ST6GALNAC3: variants seen among roughly 807,000 people sequenced by gnomAD.
ST6GALNAC3 encodes alpha-N-acetylgalactosaminide alpha-2,6-sialyltransferase 3.
A neutral mutation model predicts 32.7 loss-of-function variants in ST6GALNAC3; 25 were observed. The observed-to-expected ratio is 0.76, with a 90% CI of 0.56 to 1.07. ST6GALNAC3 has a LOEUF of 1.07. Among genes scored for constraint, ST6GALNAC3 ranks in the 50% least tolerant of loss-of-function variants. The pLI, the probability that ST6GALNAC3 is intolerant of heterozygous loss-of-function variation, is 0.00. For synonymous variants in ST6GALNAC3, 129 were observed against 133.1 expected (o/e 0.97, Z 0.21); for missense variants, 355 against 382.4 (o/e 0.93, Z 0.60).
chr1:76,314,002 A>T lies in ST6GALNAC3; in HGVS notation c.213+3A>T, dbSNP rs1646820190. The T allele has an allele frequency of 2.5e-6, 4 of 1,610,662 alleles. No individual in the cohort carries two copies. Among genetic ancestry groups the T allele is most frequent in the Non-Finnish European group, 3.4e-6 (4 of 1,178,278 alleles). ...ACATAAATGTGAAGACACAAGAGGT[A>T]AGATCCCAGAGGGTTACCTAGCAGT... On this transcript the variant is annotated splice_donor_region_variant and intron_variant, in intron 2 of 4. Coordinates refer to ENST00000328299, the MANE Select transcript of ST6GALNAC3 (RefSeq NM_152996.4).
chr1:76,592,777 C>A (rs1442043280), intron 3 of ST6GALNAC3, among the ~76,000 whole-genome samples: 3 of 152,100 alleles, frequency 2.0e-5, no homozygotes, highest in Non-Finnish European at 4.4e-5. Flanking sequence ...AGGTATTGAC[C>A]TTTTCAGGAC....
intron 3 of ST6GALNAC3, among the ~76,000 whole-genome samples, chr1:76,527,834 G>T (rs961059485): frequency 6.6e-6 from 1 of 152,196 alleles, no homozygotes; most frequent in African/African-American, 2.4e-5. Flanking sequence ...AAAAGGCCTT[G>T]ATTGTCCCAC....
chr1:76,436,084 A>C (rs1391977534), intron 3 of ST6GALNAC3, among the ~76,000 whole-genome samples: 2 of 152,100 alleles, frequency 1.3e-5, no homozygotes, highest in African/African-American at 4.8e-5. Context: ...AGTAAAAGCC[A>C]AAATCACTTT....
Position 76,095,864 on chromosome 1 carries a change from A to G in ST6GALNAC3, c.18+20980A>G, listed in dbSNP as rs547835694. Among the ~76,000 whole-genome samples the G allele has an allele frequency of 2.6e-5, 4 of 152,260 alleles. No individual in the cohort carries two copies. The South Asian group carries it at 6.2e-4, about 24-fold the overall frequency. ...TCCCCTCAGGGCTGAATGAAATTGA[A>G]TGTCTTGTAAACGTGTGCAGCCTTT... On this transcript the variant is annotated intron_variant, in intron 1 of 4. Coordinates refer to ENST00000328299, the MANE Select transcript of ST6GALNAC3 (RefSeq NM_152996.4).
intron 3 of ST6GALNAC3, among the ~76,000 whole-genome samples, chr1:76,605,700 A>G (rs1405105643): frequency 2.0e-5 from 3 of 151,804 alleles, no homozygotes; most frequent in African/African-American, 7.3e-5. Context: ...CCCCGTTACT[A>G]CTAAAAATAC....
At chr1:76,440,380 C>A (rs972336191) in intron 3 of ST6GALNAC3, among the ~76,000 whole-genome samples, 10 of 152,142 alleles carry the variant, frequency 6.6e-5, no homozygotes, top group African/African-American at 2.4e-4. Context: ...AGAATGTAGC[C>A]ATGGAGCTCA....
chr1:76,463,551 G>A (rs1658424518), intron 3 of ST6GALNAC3, among the ~76,000 whole-genome samples: 1 of 152,154 alleles, frequency 6.6e-6, no homozygotes, highest in Admixed American at 6.6e-5. Context: ...TGAATACCAA[G>A]CAATACTGCA....
At chr1:76,527,477 C>T (rs1662983324) in intron 3 of ST6GALNAC3, among the ~76,000 whole-genome samples, 1 of 151,986 alleles carries the variant, frequency 6.6e-6, no homozygotes. Flanking sequence ...TGAATGCTTC[C>T]TTCTATATTT....
At chr1:76,610,023 T>G (rs957480758) in intron 3 of ST6GALNAC3, among the ~76,000 whole-genome samples, 1 of 152,200 alleles carries the variant, frequency 6.6e-6, no homozygotes, top group African/African-American at 2.4e-5. Flanking sequence ...CATTTTTTTG[T>G]CTCTGCCTTC....
intron 2 of ST6GALNAC3, among the ~76,000 whole-genome samples, chr1:76,404,223 G>A (rs926623397): frequency 2.6e-5 from 4 of 152,016 alleles, no homozygotes; most frequent in Non-Finnish European, 5.9e-5. Flanking sequence ...TATCAAATCT[G>A]TCTTTTTATG....
Position 76,630,511 on chromosome 1 carries a change from C to T in ST6GALNAC3, c.*1705C>T, listed in dbSNP as rs1453563340. 2.0e-6 allele frequency: 2 copies of T among 985,100 alleles called. No individual in the cohort carries two copies. The highest frequency in any genetic ancestry group is 2.4e-6 in the Non-Finnish European group (2 of 829,846). The allele number at this position is 985,100 out of a possible 1,614,324, so 61.0% of individuals were successfully genotyped here. A position where few individuals can be genotyped will look rare whatever the true frequency, so the allele number is the denominator to read the frequency against. ...GCAAGAGTAGCTGAGAATTCAAAAA[C>T]ATCCTTGCAGAATGATTCAAAAGAC... On this transcript the variant is annotated 3_prime_UTR_variant, in exon 5 of 5. Coordinates refer to ENST00000328299, the MANE Select transcript of ST6GALNAC3 (RefSeq NM_152996.4).
chr1:76,596,463 AG>A (rs1170288238), intron 3 of ST6GALNAC3, among the ~76,000 whole-genome samples: 1 of 152,216 alleles, frequency 6.6e-6, no homozygotes, highest in Non-Finnish European at 1.5e-5. Flanking sequence ...TATAAAGTGT[AG>A]TTTAGTATTA....
intron 3 of ST6GALNAC3, among the ~76,000 whole-genome samples, chr1:76,427,119 A>G (rs1655446718): frequency 6.6e-6 from 1 of 152,068 alleles, no homozygotes; most frequent in Non-Finnish European, 1.5e-5. Flanking sequence ...ATCTCAGCAA[A>G]GAAACTCAGA....
intron 1 of ST6GALNAC3, among the ~76,000 whole-genome samples, chr1:76,294,313 A>G (rs1251510339): frequency 1.3e-5 from 2 of 152,102 alleles, no homozygotes; most frequent in African/African-American, 4.8e-5. Context: ...TTCAGAGTCA[A>G]AAAGCACTGG....
chr1:76,374,994 C>T (rs1263183010), intron 2 of ST6GALNAC3, among the ~76,000 whole-genome samples: 3 of 152,010 alleles, frequency 2.0e-5, no homozygotes, highest in Non-Finnish European at 2.9e-5. Context: ...TGAGCTATAC[C>T]TGCTGTTCTG....
intron 3 of ST6GALNAC3, among the ~76,000 whole-genome samples, chr1:76,619,932 G>A (rs1026604723): frequency 3.3e-5 from 5 of 152,084 alleles, no homozygotes; most frequent in Non-Finnish European, 7.4e-5. Flanking sequence ...TGTTGGAGAA[G>A]AAATTATCCT....
chr1:76,254,955 G>A (rs915313780), intron 1 of ST6GALNAC3, among the ~76,000 whole-genome samples: 1 of 151,684 alleles, frequency 6.6e-6, no homozygotes, highest in Admixed American at 6.6e-5. Flanking sequence ...CCTTGTATAG[G>A]CTAAAGCACA....
intron 1 of ST6GALNAC3, among the ~76,000 whole-genome samples, chr1:76,111,295 A>G (rs1647915988): frequency 2.0e-5 from 3 of 152,138 alleles, no homozygotes; most frequent in Admixed American, 6.5e-5. Flanking sequence ...TGACTAGAAA[A>G]CATAGCCCCA....
chr1:76,074,947 G>T (rs754152359), intron 1 of ST6GALNAC3, 63 bp downstream of exon 1: 1 of 1,557,760 alleles, frequency 6.4e-7, no homozygotes, highest in Non-Finnish European at 8.7e-7. Flanking sequence ...TCAGAGGCAC[G>T]GAGTCAGCCG....
Sources: allele counts gnomAD v4.1 joint callset (sites outside exome capture counted in the v4.1 genomes callset), GRCh38; gene constraint gnomAD v4.1.1; transcripts MANE v1.5; gene names NCBI Gene and HGNC (gene_info 2026-07-23, HGNC 2026-07-21).